HCRTR2: variants seen among roughly 807,000 people sequenced by gnomAD.
HCRTR2 encodes the protein hypocretin receptor 2, also known as orexin receptor type 2.
Under a neutral mutation model 49.0 loss-of-function variants are expected in HCRTR2, and 22 were observed. The ratio of observed to expected loss-of-function variants is 0.45; its 90% confidence interval spans 0.32 to 0.64. HCRTR2 has a LOEUF of 0.64. Ranked by LOEUF, HCRTR2 falls within the 30% of genes least tolerant of loss-of-function variation. HCRTR2 has a pLI of 0.04. For missense variants in HCRTR2, 491 were observed against 559.4 expected (o/e 0.88, Z 1.23); for synonymous variants, 236 against 205.3 (o/e 1.15, Z -1.28).
intron 1 of HCRTR2, among the ~76,000 whole-genome samples, chr6:55,176,155 C>G (rs1765036400): frequency 6.6e-6 from 1 of 152,166 alleles, no homozygotes; most frequent in South Asian, 2.1e-4. Context: ...CTCACCAACT[C>G]AGCAGGCAGA....
rs114048620 is a variant in HCRTR2, at chr6:55,123,543, G to A, written c.-378+16998G>A. ...TCCCATTTGCCAGTATTTTATTGAG[G>A]ATTTTCCCATCCATGTTCATGAGGG... On this transcript the variant is annotated intron_variant, in intron 1 of 7. Transcript: ENST00000615358. Among the ~76,000 whole-genome samples, 1,449 of 152,132 alleles carry A rather than the reference G, an allele frequency of 9.5e-3. 24 individuals are homozygous for A. Among genetic ancestry groups the A allele is most frequent in the African/African-American group, 0.033 (1,359 of 41,510 alleles).
intron 1 of HCRTR2, among the ~76,000 whole-genome samples, chr6:55,167,616 A>G (rs1045819144): frequency 2.0e-5 from 3 of 152,140 alleles, no homozygotes; most frequent in Non-Finnish European, 4.4e-5. Context: ...GATTGTAGAA[A>G]ACTCTCATGT....
chr6:55,148,918 T>C (rs947592856), intron 1 of HCRTR2, among the ~76,000 whole-genome samples: 1 of 152,064 alleles, frequency 6.6e-6, no homozygotes, highest in Non-Finnish European at 1.5e-5. Context: ...GATAAGAAAA[T>C]AAAATGACTA....
intron 1 of HCRTR2, among the ~76,000 whole-genome samples, chr6:55,142,022 A>G (rs992086935): frequency 2.0e-5 from 3 of 152,192 alleles, no homozygotes; most frequent in African/African-American, 7.2e-5. Context: ...AAAAAGTTAA[A>G]TGTGGTTAAT....
At chr6:55,123,633 C>T (rs1012966878) in intron 1 of HCRTR2, among the ~76,000 whole-genome samples, 6 of 151,836 alleles carry the variant, frequency 4.0e-5, no homozygotes, top group Admixed American at 6.6e-5. Context: ...GGGTGATACT[C>T]GCCTCATAAA....
rs1355433413 is a variant in HCRTR2, at chr6:55,208,128, T to C, written c.223+33318T>C. ...TTCAGTCTTTTAAACAAGAGCAATT[T>C]CTTTACAAAAAGGAGCAGAATTCTT... On this transcript the variant is annotated intron_variant, in intron 1 of 6. Transcript: ENST00000370862. Among the ~76,000 whole-genome samples, 3 of 152,094 alleles carry C rather than the reference T, an allele frequency of 2.0e-5. No homozygotes were observed. In the East Asian group the frequency reaches 5.8e-4, roughly 29 times the overall value.
At chr6:55,155,846 A>G (rs1764723766) in intron 1 of HCRTR2, among the ~76,000 whole-genome samples, 1 of 152,024 alleles carries the variant, frequency 6.6e-6, no homozygotes, top group African/African-American at 2.4e-5. Flanking sequence ...AGTTTGATTC[A>G]TCTTATCTAT....
chr6:55,239,904 A>T (rs921009557), intron 1 of HCRTR2, among the ~76,000 whole-genome samples: 1 of 150,400 alleles, frequency 6.6e-6, no homozygotes, highest in Admixed American at 6.7e-5. Flanking sequence ...TAGCCTCCGG[A>T]GTAGCTGGGA....
chr6:55,259,592 A>C (rs1290532201), intron 3 of HCRTR2, among the ~76,000 whole-genome samples: 1 of 151,958 alleles, frequency 6.6e-6, no homozygotes, highest in South Asian at 2.1e-4. Context: ...CAAATATACA[A>C]TATAACTCTT....
At chr6:55,281,604 A>G (rs1199369108) in intron 6 of HCRTR2, among the ~76,000 whole-genome samples, 4 of 152,212 alleles carry the variant, frequency 2.6e-5, no homozygotes, top group Non-Finnish European at 5.9e-5. Context: ...TGCCATTCAC[A>G]CTAATAAAAG....
chr6:55,129,178 T>C (rs932740039), intron 1 of HCRTR2, among the ~76,000 whole-genome samples: 1 of 152,190 alleles, frequency 6.6e-6, no homozygotes, highest in Non-Finnish European at 1.5e-5. Context: ...ACTGCTTACA[T>C]GCTGATGACT....
intron 1 of HCRTR2, among the ~76,000 whole-genome samples, chr6:55,140,075 A>G (rs1764486625): frequency 6.6e-6 from 1 of 152,140 alleles, no homozygotes; most frequent in African/African-American, 2.4e-5. Context: ...AGTGGATATT[A>G]TTCCTGGGCA....
chr6:55,147,753 C>CA (rs914434596), intron 1 of HCRTR2, among the ~76,000 whole-genome samples: 19 of 152,210 alleles, frequency 1.2e-4, no homozygotes, highest in African/African-American at 3.4e-4. Context: ...TAGTTACTTG[C>CA]AATAAGAAAA....
At chr6:55,112,779 A>T (rs1337826420) in intron 1 of HCRTR2, among the ~76,000 whole-genome samples, 1 of 151,920 alleles carries the variant, frequency 6.6e-6, no homozygotes, top group East Asian at 1.9e-4. Flanking sequence ...TCACATAACT[A>T]GAAATAAAAC....
rs1765568494 is a variant in HCRTR2 at position 55,204,601 on chromosome 6, CTT to C, written c.223+29793_223+29794del. 2.0e-5 allele frequency among the ~76,000 whole-genome samples: 3 copies of C among 152,156 alleles called. No individual in the cohort carries two copies. The East Asian group carries it at 5.8e-4, about 30-fold the overall frequency. On this transcript the variant is annotated intron_variant, in intron 1 of 6. Coordinates refer to ENST00000370862, the MANE Select transcript of HCRTR2 (RefSeq NM_001384272.1). Reference sequence around the variant, plus strand: ...AGGAGATTGTAGAAGCTATCACACTCTTTATATATTTTGAAGACACAGCCAAG... The same window carrying C: ...AGGAGATTGTAGAAGCTATCACACTCTATATATTTTGAAGACACAGCCAAG...
chr6:55,150,260 A>T (rs766651807), intron 1 of HCRTR2, among the ~76,000 whole-genome samples: 1 of 151,964 alleles, frequency 6.6e-6, no homozygotes, highest in Non-Finnish European at 1.5e-5. Flanking sequence ...ACCACCGTCA[A>T]ATCCATAAAC....
At chr6:55,195,818 A>G (rs1765398760) in intron 1 of HCRTR2, among the ~76,000 whole-genome samples, 1 of 152,022 alleles carries the variant, frequency 6.6e-6, no homozygotes, top group African/African-American at 2.4e-5. Context: ...AATACAAAAA[A>G]TTAGCCGGGT....
At chr6:55,176,677 C>T (rs1216584630) in intron 1 of HCRTR2, among the ~76,000 whole-genome samples, 1 of 152,116 alleles carries the variant, frequency 6.6e-6, no homozygotes, top group Non-Finnish European at 1.5e-5. Flanking sequence ...AATTTAAATT[C>T]AGTTCCATTT....
chr6:55,266,683 T>C (rs1766866564), intron 4 of HCRTR2, among the ~76,000 whole-genome samples: 1 of 152,122 alleles, frequency 6.6e-6, no homozygotes, highest in Admixed American at 6.6e-5. Context: ...CCTTTAAAAC[T>C]CTTTCAAGGT....
Sources: allele counts gnomAD v4.1 joint callset (sites outside exome capture counted in the v4.1 genomes callset), GRCh38; gene constraint gnomAD v4.1.1; transcripts MANE v1.5; gene names NCBI Gene and HGNC (gene_info 2026-07-23, HGNC 2026-07-21).